Variants in ZKSCAN5 observed in about 807,000 individuals in gnomAD.
The protein encoded by ZKSCAN5 is zinc finger protein with KRAB and SCAN domains 5.
ZKSCAN5 carries 28 observed loss-of-function variants against 60.0 expected under a neutral mutation model. That is an observed-to-expected ratio of 0.47 (90% CI 0.35 to 0.64). The LOEUF is 0.64. Ranked by LOEUF, ZKSCAN5 falls within the 30% of genes least tolerant of loss-of-function variation. The pLI, the probability that ZKSCAN5 is intolerant of heterozygous loss-of-function variation, is 0.01. For missense variants in ZKSCAN5, 881 were observed against 1,034.6 expected, an observed-to-expected ratio of 0.85 and a Z score of 2.04; for synonymous variants, 361 against 371.2, an observed-to-expected ratio of 0.97 and a Z score of 0.31.
chr7:99,523,606 AAATCAATC>A (rs58654797), intron 5 of ZKSCAN5, among the ~76,000 whole-genome samples: 28 of 143,002 alleles, frequency 2.0e-4, no homozygotes, highest in Non-Finnish European at 2.4e-4. Context: ...ACCCAGTCTC[AAATCAATC>A]AATCAATCAA....
At position 99,526,316 on chromosome 7, in the gene ZKSCAN5, GGA is replaced by G; in HGVS notation, c.1282_1283del (p.Arg428AlafsTer6). 1 of 1,611,312 alleles carries G rather than the reference GGA, an allele frequency of 6.2e-7. No individual in the cohort carries two copies. The highest frequency in any genetic ancestry group is 1.1e-5 in the South Asian group (1 of 91,074). On this transcript the variant is annotated frameshift_variant, in exon 6 of 7. Coordinates refer to ENST00000326775, the MANE Select transcript of ZKSCAN5 (RefSeq NM_145102.4). LOFTEE classifies it high-confidence loss of function. Reference protein sequence around the residue: ...HLVQHHSVHSGERPYGCNECG... With the variant: ...HLVQHHSVHSXERPYGCNECG... ...GGTTCAGCACCACAGTGTCCACAGC[GGA>G]GAGAGGCCCTATGGCTGCAATGAGT...
At chr7:99,505,136 C>T (rs1265483363) in intron 1 of ZKSCAN5, 1 of 151,872 alleles carries the variant, frequency 6.6e-6, no homozygotes, top group Non-Finnish European at 1.5e-5. Flanking sequence ...CATCTCCCCG[C>T]CGATTGGTCC....
At chr7:99,521,159 CTT>C (rs1801522592) in intron 5 of ZKSCAN5, among the ~76,000 whole-genome samples, 1 of 152,198 alleles carries the variant, frequency 6.6e-6, no homozygotes, top group South Asian at 2.1e-4. Context: ...TACTGGAAGA[CTT>C]CAGATGCAAA....
At chr7:99,516,016 C>G (rs1221312889) in intron 3 of ZKSCAN5, among the ~76,000 whole-genome samples, 1 of 151,306 alleles carries the variant, frequency 6.6e-6, no homozygotes, top group African/African-American at 2.4e-5. Flanking sequence ...GAGACAGGGT[C>G]TCACTCTGTT....
intron 3 of ZKSCAN5, 106 bp from the exon 4 acceptor site, chr7:99,519,721 C>G (rs377390841): frequency 9.3e-7 from 1 of 1,079,300 alleles, no homozygotes; most frequent in Non-Finnish European, 1.4e-6. Flanking sequence ...AATTTGGCCT[C>G]GGCGCAGTAG....
At chr7:99,519,789 A>G (rs1801437815) in intron 3 of ZKSCAN5, 38 bp from the exon 4 acceptor site, 8 of 1,582,438 alleles carry the variant, frequency 5.1e-6, no homozygotes, top group Non-Finnish European at 6.9e-6. Flanking sequence ...AACCGGGCAA[A>G]GATGTTCTCA....
intron 2 of ZKSCAN5, among the ~76,000 whole-genome samples, 192 bp downstream of exon 2, chr7:99,506,650 G>A (rs1018056747): frequency 1.3e-5 from 2 of 152,110 alleles, no homozygotes; most frequent in Non-Finnish European, 2.9e-5. Flanking sequence ...AAGACAATCT[G>A]CGATCTTATT....
chr7:99,531,344 C>T lies in ZKSCAN5; in HGVS notation c.1615C>T (p.His539Tyr), dbSNP rs1372830906. The T allele has an allele frequency of 2.5e-6, 4 of 1,613,970 alleles. No homozygotes were observed. The highest frequency in any genetic ancestry group is 3.4e-6 in the Non-Finnish European group (4 of 1,180,034). Residue 539 changes from histidine (H) to tyrosine (Y), a missense_variant, in exon 7 of 7, where the codon CAC becomes TAC. Physicochemically the swap from His to Tyr is moderately conservative, Grantham distance 83. Transcript: ENST00000326775. ...GAACTACAGTGAAGTCCCATATGTC[C>T]ACAAAAAATCCTCCACTGGAGAGAG... ...RMNYSEVPYVHKKSSTGERPH... is the reference protein window; with the variant it reads ...RMNYSEVPYVYKKSSTGERPH...
In ZKSCAN5 at chr7:99,526,411, C is replaced by T. The variant is rs1324093441; in HGVS notation, c.1371C>T (p.Ser457=). The change falls in exon 6 of 7, where the codon TCC becomes TCT. Residue 457 remains serine, a synonymous_variant. Transcript: ENST00000326775. ...EHLKRHFREK[S]QRCSDKRSKN... ...TAAAACGCCACTTCAGGGAGAAATC[C>T]CAGAGATGTACGTGTGAGGAGTTTA... 2 of 1,598,690 alleles carry T rather than the reference C, an allele frequency of 1.3e-6. No homozygotes were observed. The highest frequency in any genetic ancestry group is 1.7e-6 in the Non-Finnish European group (2 of 1,179,028).
chr7:99,511,680 C>A (rs1410616407), intron 2 of ZKSCAN5, among the ~76,000 whole-genome samples: 2 of 152,052 alleles, frequency 1.3e-5, no homozygotes, highest in Non-Finnish European at 2.9e-5. Context: ...TGGGCTCAAG[C>A]GATCCTCCTG....
chr7:99,523,287 G>A (rs999029074), intron 5 of ZKSCAN5, among the ~76,000 whole-genome samples: 4 of 151,818 alleles, frequency 2.6e-5, no homozygotes, highest in Admixed American at 2.0e-4. Flanking sequence ...ACCTTGGCTC[G>A]AGAGACATGT....
In ZKSCAN5 at chr7:99,531,229, T is replaced by G. The variant is rs746650709; in HGVS notation, c.1500T>G (p.Phe500Leu). 6.2e-7 allele frequency: 1 copy of G among 1,614,046 alleles called. No individual in the cohort carries two copies. The highest frequency in any genetic ancestry group is 8.5e-7 in the Non-Finnish European group (1 of 1,180,038). Residue 500 changes from phenylalanine to leucine, a missense_variant, in exon 7 of 7, where the codon TTT (phenylalanine) becomes TTG (leucine). Phe to Leu is a conservative substitution (Grantham distance 22). Coordinates refer to ENST00000326775, the MANE Select transcript of ZKSCAN5 (RefSeq NM_145102.4). Reference protein sequence around the residue: ...TQRNVSQVQDFGEGCEFQGKL... With the variant: ...TQRNVSQVQDLGEGCEFQGKL... ...GAAATGTTTCTCAAGTTCAAGATTT[T>G]GGAGAAGGCTGTGAGTTTCAAGGCA...
intron 2 of ZKSCAN5, among the ~76,000 whole-genome samples, chr7:99,508,120 A>G (rs1800849152): frequency 6.6e-6 from 1 of 151,432 alleles, no homozygotes; most frequent in Non-Finnish European, 1.5e-5. Context: ...CAACATGGTG[A>G]AACCCCATCT....
intron 5 of ZKSCAN5, among the ~76,000 whole-genome samples, chr7:99,523,475 G>A (rs1284926439): frequency 6.6e-6 from 1 of 152,144 alleles, no homozygotes; most frequent in African/African-American, 2.4e-5. Flanking sequence ...ACAAAAATTA[G>A]CTAGGCGTGG....
chr7:99,527,362 A>G (rs1352064663), intron 6 of ZKSCAN5, among the ~76,000 whole-genome samples: 8 of 152,202 alleles, frequency 5.3e-5, no homozygotes, highest in Admixed American at 2.0e-4. Flanking sequence ...CACAAACCCA[A>G]TAAAATAACA....
Position 99,531,700 on chromosome 7 carries a change from A to G in ZKSCAN5, c.1971A>G (p.Arg657=). 1 of 1,614,232 alleles carries G rather than the reference A, an allele frequency of 6.2e-7. No individual in the cohort carries two copies. Among genetic ancestry groups the G allele is most frequent in the Non-Finnish European group, 8.5e-7 (1 of 1,180,038 alleles). The change falls in exon 7 of 7, where the codon CGA becomes CGG. Residue 657 remains arginine (R), a synonymous_variant. Coordinates refer to ENST00000326775, the MANE Select transcript of ZKSCAN5 (RefSeq NM_145102.4). ...CTGGACATCTTCGACTCCACTCCCG[A>G]GAGAAATCCCATCAGTGTCGTGAAT... is the stretch of plus-strand genomic sequence containing the variant. ...HLAGHLRLHS[R]EKSHQCRECG...
chr7:99,524,718 CT>C (rs1801696250), intron 5 of ZKSCAN5, among the ~76,000 whole-genome samples: 1 of 152,094 alleles, frequency 6.6e-6, no homozygotes, highest in Non-Finnish European at 1.5e-5. Flanking sequence ...GAAAGAATGT[CT>C]TTTTTCTTTT....
chr7:99,514,270 T>TA (rs1341509396), intron 3 of ZKSCAN5, among the ~76,000 whole-genome samples: 3 of 152,216 alleles, frequency 2.0e-5, no homozygotes, highest in African/African-American at 7.2e-5. Context: ...TCTAGGATGT[T>TA]ATCATTTGAA....
rs1802163142 is a variant in ZKSCAN5, at chr7:99,534,196, GACCTTC to G, written c.*1948_*1953del. On this transcript the variant is annotated 3_prime_UTR_variant, in exon 7 of 7. Coordinates refer to ENST00000326775, the MANE Select transcript of ZKSCAN5 (RefSeq NM_145102.4). ...ATTTAATGCCAAGTGTGTGTCAGAG[GACCTTC>G]TTGGTAGCTTTTTAATTTTTTTATA... 1 of 152,182 alleles carries G rather than the reference GACCTTC, an allele frequency of 6.6e-6. No individual in the cohort carries two copies. Among genetic ancestry groups the G allele is most frequent in the Non-Finnish European group, 1.5e-5 (1 of 68,064 alleles). 9.4% of individuals were successfully genotyped at this position (152,182 alleles called of 1,614,324 possible).
Sources: gnomAD v4.1 joint callset for allele counts (sites outside exome capture counted in the v4.1 genomes callset) on GRCh38, gnomAD v4.1.1 for gene constraint, MANE v1.5 for transcripts, NCBI Gene and HGNC (gene_info 2026-07-23, HGNC 2026-07-21) for gene names.